The following ADAMTS3 variants were observed in gnomAD, a reference collection of about 807,000 sequenced individuals.
ADAMTS3 encodes the protein ADAM metallopeptidase with thrombospondin type 1 motif 3.
A neutral mutation model predicts 129.0 loss-of-function variants in ADAMTS3; 73 were observed. The ratio of observed to expected loss-of-function variants is 0.57; its 90% confidence interval spans 0.47 to 0.69. The LOEUF is 0.69. Among genes scored for constraint, ADAMTS3 ranks in the 30% least tolerant of loss-of-function variants. The pLI is 0.00. For missense variants in ADAMTS3, 1,457 were observed against 1,514.5 expected, an observed-to-expected ratio of 0.96 and a Z score of 0.63; for synonymous variants, 477 against 510.8, an observed-to-expected ratio of 0.93 and a Z score of 0.89.
intron 3 of ADAMTS3, among the ~76,000 whole-genome samples, chr4:72,499,959 T>C (rs1194374189): frequency 6.6e-6 from 1 of 152,198 alleles, no homozygotes; most frequent in African/African-American, 2.4e-5. Flanking sequence ...TATGATTTCA[T>C]TCCTTTTTAT....
intron 3 of ADAMTS3, among the ~76,000 whole-genome samples, chr4:72,492,589 T>G (rs925367093): frequency 6.6e-6 from 1 of 151,924 alleles, no homozygotes; most frequent in African/African-American, 2.4e-5. Context: ...TATTTTGGAA[T>G]GATTTTTATT....
intron 4 of ADAMTS3, among the ~76,000 whole-genome samples, chr4:72,394,228 A>G (rs1721669944): frequency 6.6e-6 from 1 of 151,972 alleles, no homozygotes. Context: ...GGGATTCAAT[A>G]TAATTCACTG....
chr4:72,404,070 A>G (rs1156298304), intron 4 of ADAMTS3, among the ~76,000 whole-genome samples: 2 of 152,132 alleles, frequency 1.3e-5, no homozygotes, highest in African/African-American at 4.8e-5. Flanking sequence ...GTTATTGTTA[A>G]AACGTCCATA....
chr4:72,492,075 C>T (rs1719763286), intron 3 of ADAMTS3, among the ~76,000 whole-genome samples: 1 of 151,462 alleles, frequency 6.6e-6, no homozygotes, highest in Non-Finnish European at 1.5e-5. Context: ...ATAATAGTGC[C>T]TATGATTTTT....
chr4:72,456,617 TC>T (rs996629264), intron 3 of ADAMTS3, among the ~76,000 whole-genome samples: 2 of 151,140 alleles, frequency 1.3e-5, no homozygotes, highest in African/African-American at 4.8e-5. Context: ...AGTACTTACA[TC>T]TGCCAAAAAT....
intron 6 of ADAMTS3, among the ~76,000 whole-genome samples, chr4:72,321,607 C>T (rs1208828430): frequency 6.6e-6 from 1 of 151,988 alleles, no homozygotes; most frequent in Non-Finnish European, 1.5e-5. Flanking sequence ...CATGTTTTTC[C>T]AGAGATGTGA....
chr4:72,335,462 T>C (rs1412610601), intron 5 of ADAMTS3, among the ~76,000 whole-genome samples: 1 of 152,126 alleles, frequency 6.6e-6, no homozygotes, highest in East Asian at 1.9e-4. Flanking sequence ...ATATTACTAG[T>C]GACATATAAC....
In ADAMTS3 at chr4:72,304,014, G is replaced by T. The variant is rs1232845713; in HGVS notation, c.2327C>A (p.Thr776Asn). Residue 776 changes from threonine (T) to asparagine (N), a missense_variant, in exon 17 of 22, where the codon ACC becomes AAC. Thr to Asn is a moderately conservative substitution (Grantham distance 65, BLOSUM62 0). Transcript: ENST00000286657. Reference sequence around the variant, plus strand: ...CCACTCCACACCAAGATCTATGAAGGTCCGCGACTTGGCTTCCTCCCCTTT... The same window carrying T: ...CCACTCCACACCAAGATCTATGAAGTTCCGCGACTTGGCTTCCTCCCCTTT... ...NGKGEEAKSR[T>N]FIDLGVEWDY... The T allele has an allele frequency of 1.2e-6, 2 of 1,613,670 alleles. No homozygotes were observed. The highest frequency in any genetic ancestry group is 1.3e-5 in the African/African-American group (1 of 74,970).
intron 4 of ADAMTS3, among the ~76,000 whole-genome samples, chr4:72,382,631 C>T (rs1280318382): frequency 1.3e-5 from 2 of 152,130 alleles, no homozygotes; most frequent in African/African-American, 4.8e-5. Flanking sequence ...TGGACTCAAA[C>T]TAGGTGTCTA....
In ADAMTS3 at chr4:72,313,723, A is replaced by G. The variant is rs368865428; in HGVS notation, c.1699T>C (p.Cys567Arg). Residue 567 changes from cysteine to arginine, a missense_variant, in exon 12 of 22, where the codon TGT (cysteine) becomes CGT (arginine). Transcript: ENST00000286657. ...WTKFGSCSRTCGTGVRFRTRQ... is the reference protein window; with the variant it reads ...WTKFGSCSRTRGTGVRFRTRQ... ...GTTCTGAAACGAACACCAGTTCCAC[A>G]TGTCCGAGAACAGGAGCCAAATTTA... is the stretch of plus-strand genomic sequence containing the variant. The G allele has an allele frequency of 1.1e-5, 18 of 1,613,698 alleles. No homozygotes were observed. Among genetic ancestry groups the G allele is most frequent in the African/African-American group, 2.7e-5 (2 of 74,932 alleles).
intron 14 of ADAMTS3, among the ~76,000 whole-genome samples, chr4:72,310,125 G>T (rs568948543): frequency 6.6e-6 from 1 of 152,172 alleles, no homozygotes; most frequent in Non-Finnish European, 1.5e-5. Flanking sequence ...GATAAGGAAA[G>T]AACAGTGAAA....
intron 3 of ADAMTS3, among the ~76,000 whole-genome samples, chr4:72,494,386 A>G (rs1403668631): frequency 6.6e-6 from 1 of 152,034 alleles, no homozygotes; most frequent in Non-Finnish European, 1.5e-5. Flanking sequence ...CATTCCATTC[A>G]TTGTATTCTT....
chr4:72,316,486 G>A (rs1719398827), intron 10 of ADAMTS3, among the ~76,000 whole-genome samples: 1 of 152,066 alleles, frequency 6.6e-6, no homozygotes, highest in African/African-American at 2.4e-5. Flanking sequence ...AGGAGTTCAA[G>A]ACCAGCCTGG....
At chr4:72,285,739 G>A in intron 21 of ADAMTS3, among the ~76,000 whole-genome samples, 1 of 144,872 alleles carries the variant, frequency 6.9e-6, no homozygotes, top group Non-Finnish European at 1.5e-5. Context: ...ATGGGAATTT[G>A]CCTACTGATA....
rs375982827 is a variant in ADAMTS3 at position 72,530,031 on chromosome 4, A to ATAATATATTATATTTATAT, written c.504+18446_504+18447insATATAAATATAATATATTA. Reference sequence around the variant, plus strand: ...ATATAATATATTATATTTATATATAAATATAATATATTATATTTATATATA... The same window carrying ATAATATATTATATTTATAT: ...ATATAATATATTATATTTATATATAATAATATATTATATTTATATATATAATATATTATATTTATATATA... On this transcript the variant is annotated intron_variant, in intron 3 of 21. Transcript: ENST00000286657. Among the ~76,000 whole-genome samples the ATAATATATTATATTTATAT allele has an allele frequency of 6.5e-4, 2 of 3,092 alleles. 1 individual carries two copies. The allele number at this position is 3,092 out of a possible 152,430, so 2.0% of individuals were successfully genotyped here.
chr4:72,395,673 T>C (rs920207774), intron 4 of ADAMTS3, among the ~76,000 whole-genome samples: 17 of 152,186 alleles, frequency 1.1e-4, no homozygotes, highest in South Asian at 2.1e-4. Flanking sequence ...TGCAAACACA[T>C]ACAACAACAT....
intron 4 of ADAMTS3, among the ~76,000 whole-genome samples, chr4:72,397,642 AG>A (rs1721760683): frequency 6.6e-6 from 1 of 152,102 alleles, no homozygotes; most frequent in African/African-American, 2.4e-5. Flanking sequence ...AGACAGGAAA[AG>A]GGGAGAGGAA....
Position 72,548,828 on chromosome 4 carries a change from G to T in ADAMTS3, c.154C>A (p.Leu52Ile). ...YELVTPVSTNLEGRYLSHTLS... is the reference protein window; with the variant it reads ...YELVTPVSTNIEGRYLSHTLS... ...GTATGGGAGAGATAGCGTCCTTCTA[G>T]ATTTGTGCTGACTGGAGTCACCAGC... The change falls in exon 3 of 22, where the codon CTA (leucine) becomes ATA (isoleucine). Residue 52 changes from leucine to isoleucine, a missense_variant. Transcript: ENST00000286657. 6.2e-7 allele frequency: 1 copy of T among 1,613,788 alleles called. No individual in the cohort carries two copies. The highest frequency in any genetic ancestry group is 2.2e-5 in the East Asian group (1 of 44,876).
chr4:72,566,282 T>C (rs543552060), intron 2 of ADAMTS3, among the ~76,000 whole-genome samples: 1 of 152,200 alleles, frequency 6.6e-6, no homozygotes, highest in African/African-American at 2.4e-5. Context: ...GCTTAGCTCT[T>C]GGGTTTCTTA....
Sources: allele counts gnomAD v4.1 joint callset (sites outside exome capture counted in the v4.1 genomes callset), GRCh38; gene constraint gnomAD v4.1.1; transcripts MANE v1.5; gene names NCBI Gene and HGNC (gene_info 2026-07-23, HGNC 2026-07-21).